The following RP1L1 variants were observed in gnomAD, a reference collection of about 807,000 sequenced individuals.
RP1L1 encodes retinitis pigmentosa 1-like 1 protein.
RP1L1 carries 27 observed loss-of-function variants against 15.7 expected under a neutral mutation model. The observed-to-expected ratio is 1.72, with a 90% confidence interval of 1.27 to 2.38. The LOEUF (loss-of-function observed/expected upper bound fraction) is 2.38. Ranked by LOEUF, RP1L1 falls within the 30% of genes most tolerant of loss-of-function variation. The probability of loss-of-function intolerance (pLI) is 0.00; values close to 1 mark genes in which losing one functional copy is unlikely to be tolerated. For synonymous variants in RP1L1, 1,813 were observed against 1,276.7 expected (o/e 1.42, Z -8.96); for missense variants, 4,798 against 3,075.9 (o/e 1.56, Z -13.24).
In RP1L1 at chr8:10,606,592, G is replaced by GT. The variant is rs1265973495; in HGVS notation, c.*302dup. ...AGCTAAACTGGAGCCTTTCCAATCA[G>GT]TTCCATCTTTCGGGCTCTGCAGACA... is the stretch of plus-strand genomic sequence containing the variant. On this transcript the variant is annotated 3_prime_UTR_variant, in exon 4 of 4. Coordinates refer to ENST00000382483, the MANE Select transcript of RP1L1 (RefSeq NM_178857.6). 2.4e-6 allele frequency: 1 copy of GT among 416,626 alleles called. No homozygotes were observed. 25.8% of individuals were successfully genotyped at this position (416,626 alleles called of 1,614,324 possible). A position where few individuals can be genotyped will look rare whatever the true frequency, so the allele number is the denominator to read the frequency against.
In RP1L1 at chr8:10,609,622, C is replaced by G. The variant is rs756866772; in HGVS notation, c.4476G>C (p.Gln1492His). Reference sequence around the variant, plus strand: ...CTGCAGCCCCCTGGGTGGGTTGGGCCTGCGTGTGCTCTTGGCCCATCATGG... The same window carrying G: ...CTGCAGCCCCCTGGGTGGGTTGGGCGTGCGTGTGCTCTTGGCCCATCATGG... ...GATMMGQEHTQAQPTQGAAER... is the reference protein window; with the variant it reads ...GATMMGQEHTHAQPTQGAAER... Residue 1492 changes from glutamine to histidine, a missense_variant, in exon 4 of 4, where the codon CAG (glutamine) becomes CAC (histidine). Gln to His is a conservative substitution (Grantham distance 24). Transcript: ENST00000382483. The G allele has an allele frequency of 6.2e-7, 1 of 1,607,576 alleles. No individual in the cohort carries two copies. The highest frequency in any genetic ancestry group is 8.5e-7 in the Non-Finnish European group (1 of 1,179,944).
At chr8:10,646,710 G>A (rs1381665086) in intron 1 of RP1L1, among the ~76,000 whole-genome samples, 2 of 152,188 alleles carry the variant, frequency 1.3e-5, no homozygotes, top group Non-Finnish European at 2.9e-5. Flanking sequence ...CACAAGCACC[G>A]AGGACAGCTG....
At position 10,612,490 on chromosome 8, in the gene RP1L1, T is replaced by C. The variant is rs776851437; in HGVS notation, c.1608A>G (p.Ser536=). ...ATCCCTCATGAGAGCCGGTGCTGGC[T>C]GACGAGTCCGAAGAAGCCCCCTCCT... is the stretch of plus-strand genomic sequence containing the variant. The part of the protein sequence containing the change: ...RSEEGASSDS[S]ASTGSHEGSS... The change falls in exon 4 of 4, where the codon TCA becomes TCG. Residue 536 remains serine (S), a synonymous_variant. Transcript: ENST00000382483. 29 of 1,612,432 alleles carry C rather than the reference T, an allele frequency of 1.8e-5. No individual in the cohort carries two copies. The highest frequency in any genetic ancestry group is 2.4e-5 in the Non-Finnish European group (28 of 1,179,942).
intron 1 of RP1L1, among the ~76,000 whole-genome samples, chr8:10,629,678 CATAGAA>C (rs1186446220): frequency 6.6e-6 from 1 of 152,168 alleles, no homozygotes; most frequent in Non-Finnish European, 1.5e-5. Context: ...TTTCTTCTCA[CATAGAA>C]ATAGTCTAGA....
At chr8:10,643,644 A>C (rs1291409823) in intron 1 of RP1L1, among the ~76,000 whole-genome samples, 1 of 152,110 alleles carries the variant, frequency 6.6e-6, no homozygotes, top group Non-Finnish European at 1.5e-5. Context: ...AGAGTCTGGG[A>C]AAAGCTGGAA....
At chr8:10,618,456 A>G (rs1798006642) in intron 2 of RP1L1, among the ~76,000 whole-genome samples, 1 of 152,168 alleles carries the variant, frequency 6.6e-6, no homozygotes, top group Non-Finnish European at 1.5e-5. Flanking sequence ...GCAGTGAGCT[A>G]AGATCGTGCC....
chr8:10,612,658 C>T lies in RP1L1; in HGVS notation c.1440G>A (p.Val480=). The T allele has an allele frequency of 1.9e-6, 3 of 1,601,440 alleles. No homozygotes were observed. Among genetic ancestry groups the T allele is most frequent in the African/African-American group, 1.3e-5 (1 of 74,936 alleles). The part of the protein sequence containing the change: ...SCCPRTPEDG[V]DSASPSAQIG... Reference sequence around the variant, plus strand: ...TCTGGGCAGAGGGGCTGGCACTGTCCACCCCGTCCTCCGGGGTCCTGGGGC... The same window carrying T: ...TCTGGGCAGAGGGGCTGGCACTGTCTACCCCGTCCTCCGGGGTCCTGGGGC... The change falls in exon 4 of 4, where the codon GTG becomes GTA. Residue 480 remains valine, a synonymous_variant. Coordinates refer to ENST00000382483, the MANE Select transcript of RP1L1 (RefSeq NM_178857.6).
intron 1 of RP1L1, among the ~76,000 whole-genome samples, chr8:10,639,184 T>C (rs76024334): frequency 0.035 from 5,235 of 151,430 alleles, 122 homozygotes; most frequent in South Asian, 0.066. Flanking sequence ...GAGCAGGCAT[T>C]GCCTCTGTGG....
intron 2 of RP1L1, among the ~76,000 whole-genome samples, chr8:10,620,227 A>G (rs956272668): frequency 6.6e-6 from 1 of 152,190 alleles, no homozygotes; most frequent in Non-Finnish European, 1.5e-5. Context: ...CTATAAAATT[A>G]GTTCTTTGGA....
At position 10,610,058 on chromosome 8, in the gene RP1L1, T is replaced by A; in HGVS notation, c.4040A>T (p.Glu1347Val). 1.9e-6 allele frequency: 2 copies of A among 1,051,468 alleles called. No homozygotes were observed. 65.1% of individuals were successfully genotyped at this position (1,051,468 alleles called of 1,614,324 possible). ...QLEETKETEG[E>V]GQQEEEAQLE... ...CTGCGCCTCTTCTTCTTGCTGTCCT[T>A]CTCCTTCTGTTTCTTTAGTTTCCTC... The change falls in exon 4 of 4, where the codon GAA becomes GTA. Residue 1347 changes from glutamate to valine, a missense_variant. Physicochemically the swap from Glu to Val is moderately radical, Grantham distance 121. Transcript: ENST00000382483.
chr8:10,638,653 G>A (rs1798364373), intron 1 of RP1L1, among the ~76,000 whole-genome samples: 1 of 152,026 alleles, frequency 6.6e-6, no homozygotes, highest in Non-Finnish European at 1.5e-5. Flanking sequence ...GATATATACT[G>A]GACACTCTAG....
intron 2 of RP1L1, among the ~76,000 whole-genome samples, chr8:10,617,251 G>A (rs1016467263): frequency 5.3e-5 from 8 of 152,044 alleles, no homozygotes; most frequent in Admixed American, 1.3e-4. Context: ...TCCCTGGACC[G>A]AGAAGCCCCT....
chr8:10,624,040 C>T (rs1563132125), intron 1 of RP1L1, among the ~76,000 whole-genome samples: 2 of 152,200 alleles, frequency 1.3e-5, no homozygotes, highest in African/African-American at 2.4e-5. Context: ...ACTGTGTCTT[C>T]AGCACTGTCT....
Position 10,648,015 on chromosome 8 carries a change from TG to T in RP1L1, c.-20+6882del, listed in dbSNP as rs145966854. Among the ~76,000 whole-genome samples the T allele has an allele frequency of 6.3e-3, 963 of 152,170 alleles. 8 individuals carry two copies. The highest frequency in any genetic ancestry group is 0.021 in the African/African-American group (857 of 41,542). ...CTCACTAGCATTTGTTGTTATTTTC[TG>T]GTTTCTCTCTCTCTCTCTTTTCTTT... On this transcript the variant is annotated intron_variant, in intron 1 of 3. Coordinates refer to ENST00000382483, the MANE Select transcript of RP1L1 (RefSeq NM_178857.6).
intron 1 of RP1L1, among the ~76,000 whole-genome samples, chr8:10,651,774 A>AT (rs75249256): frequency 1.3e-5 from 2 of 151,788 alleles, no homozygotes; most frequent in Non-Finnish European, 2.9e-5. Context: ...AAAAAAAAAA[A>AT]AAAGTTATGC....
Position 10,613,029 on chromosome 8 carries a change from G to T in RP1L1, c.1069C>A (p.Pro357Thr), listed in dbSNP as rs774393294. 3.7e-6 allele frequency: 6 copies of T among 1,613,482 alleles called. No homozygotes were observed. The highest frequency in any genetic ancestry group is 1.1e-5 in the South Asian group (1 of 91,080). The change falls in exon 4 of 4, where the codon CCC becomes ACC. Residue 357 changes from proline (P) to threonine (T), a missense_variant. By Grantham distance (38) the Pro-to-Thr change is conservative. Transcript: ENST00000382483. ...SALTAASGED[P>T]VLGEVDPLCC... ...AGGGGGTCTACCTCCCCCAGAACGGGGTCTTCCCCACTGGCTGCCGTGAGG... is the reference window on the plus strand; with the variant it reads ...AGGGGGTCTACCTCCCCCAGAACGGTGTCTTCCCCACTGGCTGCCGTGAGG...
rs1274412688 is a variant in RP1L1, at chr8:10,622,699, ACTGT to A, written c.499_502del (p.Thr167TrpfsTer26). 1.2e-6 allele frequency: 2 copies of A among 1,614,056 alleles called. No homozygotes were observed. Among genetic ancestry groups the A allele is most frequent in the South Asian group, 2.2e-5 (2 of 91,062 alleles). ...CCTAGTATTCCTGTGACTGAGAACC[ACTGT>A]CTGCTGGAGGCGAGGGTCCATGTTC... On this transcript the variant is annotated frameshift_variant, in exon 2 of 4. Coordinates refer to ENST00000382483, the MANE Select transcript of RP1L1 (RefSeq NM_178857.6). LOFTEE classifies it high-confidence loss of function.
At chr8:10,636,552 G>T (rs1454093356) in intron 1 of RP1L1, among the ~76,000 whole-genome samples, 1 of 152,152 alleles carries the variant, frequency 6.6e-6, no homozygotes, top group Non-Finnish European at 1.5e-5. Context: ...GCCCTGGCCT[G>T]ACCACCAAGA....
chr8:10,614,435 G>A (rs187148285), intron 3 of RP1L1, among the ~76,000 whole-genome samples: 9 of 152,162 alleles, frequency 5.9e-5, no homozygotes, highest in Non-Finnish European at 1.2e-4. Context: ...CGAGGCAGGC[G>A]GATCACCTGA....
Sources: allele counts gnomAD v4.1 joint callset (sites outside exome capture counted in the v4.1 genomes callset), GRCh38; gene constraint gnomAD v4.1.1; transcripts MANE v1.5; gene names NCBI Gene and HGNC (gene_info 2026-07-23, HGNC 2026-07-21).